PTPRN2: variants seen among roughly 807,000 people sequenced by gnomAD.
The protein encoded by PTPRN2 is protein tyrosine phosphatase receptor type N2, also known as receptor-type tyrosine-protein phosphatase N2.
Under a neutral mutation model 118.8 loss-of-function variants are expected in PTPRN2, and 74 were observed. The observed-to-expected ratio is 0.62, with a 90% CI of 0.52 to 0.76. The LOEUF (loss-of-function observed/expected upper bound fraction) is 0.76. Ranked by LOEUF, PTPRN2 falls within the 30% of genes least tolerant of loss-of-function variation. The pLI is 0.00. For missense variants in PTPRN2, 1,481 were observed against 1,394.4 expected (o/e 1.06, Z -0.99); for synonymous variants, 641 against 608.0 (o/e 1.05, Z -0.80).
intron 2 of PTPRN2, among the ~76,000 whole-genome samples, chr7:158,446,429 C>G (rs913580984): frequency 1.6e-4 from 24 of 151,970 alleles, no homozygotes; most frequent in African/African-American, 3.6e-4. Context: ...AGAGCTGGAG[C>G]CCCACCCAAG....
rs918071158 is a variant in PTPRN2 at position 157,990,178 on chromosome 7, G to A, written c.1723+91120C>T. ...TGGGGACACGAGTTAATGTGAGTGC[G>A]AGCCCAGGGCAGAGCGGGCCCAGAT... On this transcript the variant is annotated intron_variant, in intron 11 of 22. Transcript: ENST00000389418. The surrounding 1 kb of genome is among the most constrained non-coding windows in gnomAD (Gnocchi z 4.3). Among the ~76,000 whole-genome samples the A allele has an allele frequency of 4.0e-5, 6 of 151,758 alleles. No homozygotes were observed. Among genetic ancestry groups the A allele is most frequent in the Non-Finnish European group, 5.9e-5 (4 of 67,986 alleles).
intron 11 of PTPRN2, among the ~76,000 whole-genome samples, chr7:158,026,394 G>T (rs1488343510): frequency 6.6e-6 from 1 of 152,198 alleles, no homozygotes; most frequent in African/African-American, 2.4e-5. Flanking sequence ...ATGTGGGAAG[G>T]TCCACTGGCC....
In PTPRN2 at chr7:158,406,350, T is replaced by G. The variant is rs111264849; in HGVS notation, c.163+83385A>C. Among the ~76,000 whole-genome samples, 10 of 91,774 alleles carry G rather than the reference T, an allele frequency of 1.1e-4. 1 individual carries two copies. The highest frequency in any genetic ancestry group is 4.3e-4 in the African/African-American group (8 of 18,562). 60.2% of individuals were successfully genotyped at this position (91,774 alleles called of 152,430 possible). ...TCCCGGTGGCTCATCCGTGAGACAT[T>G]TGGCTGCACACTGAGATCCCGCAGT... On this transcript the variant is annotated intron_variant, in intron 2 of 22. Coordinates refer to ENST00000389418, the MANE Select transcript of PTPRN2 (RefSeq NM_002847.5).
intron 12 of PTPRN2, among the ~76,000 whole-genome samples, chr7:157,753,743 C>T (rs137990089): frequency 2.3e-4 from 34 of 148,984 alleles, no homozygotes; most frequent in Non-Finnish European, 3.8e-4. Context: ...CACACCTGCC[C>T]TAACGCTTCC....
At chr7:157,993,398 T>C (rs10949685) in intron 11 of PTPRN2, among the ~76,000 whole-genome samples, 128,742 of 151,654 alleles carry the variant, frequency 0.85, 54,825 homozygotes, top group African/African-American at 0.91. Context: ...ATCCCGTACC[T>C]GGTCAGAGCC....
intron 1 of PTPRN2, among the ~76,000 whole-genome samples, chr7:158,571,518 C>T (rs1260596559): frequency 1.4e-5 from 2 of 140,184 alleles, no homozygotes; most frequent in African/African-American, 5.4e-5. Flanking sequence ...AAAACACACA[C>T]CTATTTCTTT....
chr7:157,619,095 C>T lies in PTPRN2; in HGVS notation c.2344+2267G>A, dbSNP rs1462523407. Among the ~76,000 whole-genome samples, 2 of 152,206 alleles carry T rather than the reference C, an allele frequency of 1.3e-5. No homozygotes were observed. The highest frequency in any genetic ancestry group is 6.5e-5 in the Admixed American group (1 of 15,294). ...GCCTGTGTCCCATCTGAGCACGGAC[C>T]ACTTCACCATCACTAGGTCCCTCGC... On this transcript the variant is annotated intron_variant, in intron 15 of 22. Transcript: ENST00000389418. The surrounding 1 kb of genome is among the most constrained non-coding windows in gnomAD (Gnocchi z 5.3).
At chr7:158,382,349 T>C (rs1811025841) in intron 2 of PTPRN2, among the ~76,000 whole-genome samples, 1 of 152,142 alleles carries the variant, frequency 6.6e-6, no homozygotes, top group Admixed American at 6.5e-5. Context: ...TCACCCACTT[T>C]TTGGTGTAAA....
At position 158,167,306 on chromosome 7, in the gene PTPRN2, A is replaced by G. The variant is rs771861659; in HGVS notation, c.550-15T>C. The G allele has an allele frequency of 1.3e-6, 2 of 1,562,154 alleles. No homozygotes were observed. The highest frequency in any genetic ancestry group is 1.2e-5 in the South Asian group (1 of 82,794). On this transcript the variant is annotated splice_polypyrimidine_tract_variant and intron_variant, in intron 5 of 22. Transcript: ENST00000389418. ...CGGTCATCACCCTGAAGGAAAGGAG[A>G]GCAAAACAGAGCAAGAGTCACATTT... is the stretch of plus-strand genomic sequence containing the variant.
intron 11 of PTPRN2, among the ~76,000 whole-genome samples, chr7:157,908,315 G>T (rs944476590): frequency 2.6e-5 from 4 of 152,266 alleles, no homozygotes; most frequent in African/African-American, 9.6e-5. Flanking sequence ...CCTGCAGCCT[G>T]CATTCTGTGG....
At position 158,133,706 on chromosome 7, in the gene PTPRN2, C is replaced by T; in HGVS notation, c.1527G>A (p.Glu509=). ...TGTCTGTCACGATGTAGCCCCGCGC[C>T]TCTTCCTCGGAAGGCTGGACCTCCA... ...LQLEVQPSEE[E]ARGYIVTDRD... The change falls in exon 9 of 23, where the codon GAG becomes GAA. Residue 509 remains glutamate, a synonymous_variant. Coordinates refer to ENST00000389418, the MANE Select transcript of PTPRN2 (RefSeq NM_002847.5). 3 of 1,605,814 alleles carry T rather than the reference C, an allele frequency of 1.9e-6. No homozygotes were observed. The highest frequency in any genetic ancestry group is 2.6e-6 in the Non-Finnish European group (3 of 1,175,816).
chr7:157,937,248 G>A (rs1345959720), intron 11 of PTPRN2, among the ~76,000 whole-genome samples: 1 of 152,200 alleles, frequency 6.6e-6, no homozygotes, highest in Non-Finnish European at 1.5e-5. Flanking sequence ...ACATAGGTGA[G>A]TAAAGGTCCA....
rs369564958 is a variant in PTPRN2 at position 158,517,807 on chromosome 7, G to A, written c.113-28022C>T. Reference sequence around the variant, plus strand: ...ACCACAGCCAGGCAGGCCTCCCCAGGCACCTCCATCCCCTTCGTCACACAT... The same window carrying A: ...ACCACAGCCAGGCAGGCCTCCCCAGACACCTCCATCCCCTTCGTCACACAT... On this transcript the variant is annotated intron_variant, in intron 1 of 22. Transcript: ENST00000389418. This position sits in a 1 kb window ranked among gnomAD's most constrained non-coding sequence, Gnocchi z 5.3. 6.6e-6 allele frequency among the ~76,000 whole-genome samples: 1 copy of A among 152,028 alleles called. No homozygotes were observed. The highest frequency in any genetic ancestry group is 2.4e-5 in the African/African-American group (1 of 41,376).
intron 2 of PTPRN2, among the ~76,000 whole-genome samples, chr7:158,484,173 G>A (rs1196930461): frequency 1.3e-5 from 2 of 151,972 alleles, no homozygotes; most frequent in South Asian, 2.1e-4. Context: ...AAGAGTCAAC[G>A]GTTTTCTGAA....
At chr7:158,350,856 C>A (rs1366657813) in intron 2 of PTPRN2, among the ~76,000 whole-genome samples, 1 of 152,196 alleles carries the variant, frequency 6.6e-6, no homozygotes, top group African/African-American at 2.4e-5. Flanking sequence ...GCAGAAAAAA[C>A]CCTGATTTTC....
intron 1 of PTPRN2, among the ~76,000 whole-genome samples, chr7:158,553,020 G>T (rs1414907966): frequency 6.7e-6 from 1 of 150,182 alleles, no homozygotes; most frequent in Non-Finnish European, 1.5e-5. Flanking sequence ...ACACCTGCAG[G>T]TTTGGGAGCC....
intron 11 of PTPRN2, among the ~76,000 whole-genome samples, chr7:158,040,671 CT>C (rs34953423): frequency 4.0e-5 from 6 of 151,616 alleles, no homozygotes; most frequent in African/African-American, 1.5e-4. Flanking sequence ...GAAATAAAGA[CT>C]TTTTTAGGCA....
intron 11 of PTPRN2, among the ~76,000 whole-genome samples, chr7:157,998,495 G>C (rs2128856105): frequency 6.6e-6 from 1 of 152,320 alleles, no homozygotes; most frequent in Non-Finnish European, 1.5e-5. Context: ...GTGTTGGACA[G>C]AGTCTAAATG....
Position 157,621,021 on chromosome 7 carries a change from C to T in PTPRN2, c.2344+341G>A, listed in dbSNP as rs539886326. Among the ~76,000 whole-genome samples, 277 of 147,724 alleles carry T rather than the reference C, an allele frequency of 1.9e-3. 8 individuals carry two copies. The highest frequency in any genetic ancestry group is 5.9e-3 in the African/African-American group (236 of 39,858). On this transcript the variant is annotated intron_variant, in intron 15 of 22. Coordinates refer to ENST00000389418, the MANE Select transcript of PTPRN2 (RefSeq NM_002847.5). ...GCCTGTAACCCAGGCCTCCTGCCCC[C>T]GGGACTGGTATGTACAGGTCAGCAT... is the stretch of plus-strand genomic sequence containing the variant.
Sources: gnomAD v4.1 joint callset for allele counts (sites outside exome capture counted in the v4.1 genomes callset) on GRCh38, gnomAD v4.1.1 for gene constraint, Gnocchi (gnomAD v3.1) non-coding constraint, MANE v1.5 for transcripts, NCBI Gene and HGNC (gene_info 2026-07-23, HGNC 2026-07-21) for gene names.